The following PEBP4 variants were observed in gnomAD, a reference collection of about 807,000 sequenced individuals.
PEBP4 encodes the protein phosphatidylethanolamine-binding protein 4.
In PEBP4, 22 loss-of-function variants were observed where a neutral mutation model predicts 23.9. The ratio of observed to expected loss-of-function variants is 0.92; its 90% CI spans 0.66 to 1.31. The LOEUF (loss-of-function observed/expected upper bound fraction) is 1.31. Ranked by LOEUF, PEBP4 falls within the 40% of genes most tolerant of loss-of-function variation. PEBP4 has a pLI of 0.00. For missense variants in PEBP4, 324 were observed against 281.7 expected, an observed-to-expected ratio of 1.15 and a Z score of -1.07; for synonymous variants, 112 against 99.3, an observed-to-expected ratio of 1.13 and a Z score of -0.76.
intron 3 of PEBP4, among the ~76,000 whole-genome samples, chr8:22,856,606 G>C (rs1211989420): frequency 6.6e-6 from 1 of 152,150 alleles, no homozygotes; most frequent in Non-Finnish European, 1.5e-5. Flanking sequence ...AATCTCAGCT[G>C]CTGGGGAGGA....
At chr8:22,901,285 G>T (rs190525343) in intron 3 of PEBP4, among the ~76,000 whole-genome samples, 10 of 152,296 alleles carry the variant, frequency 6.6e-5, no homozygotes, top group African/African-American at 2.4e-4. Context: ...ACAGTGACAC[G>T]AAATAGATGA....
At chr8:22,817,517 G>A in intron 4 of PEBP4, 120 bp downstream of exon 4, 1 of 887,120 alleles carries the variant, frequency 1.1e-6, no homozygotes, top group Non-Finnish European at 1.8e-6. Context: ...AGCACTGGGG[G>A]AGATGGGACA....
intron 3 of PEBP4, among the ~76,000 whole-genome samples, chr8:22,898,112 C>G (rs1400495068): frequency 6.6e-6 from 1 of 152,178 alleles, no homozygotes; most frequent in Non-Finnish European, 1.5e-5. Context: ...ACCCAGCCAG[C>G]CAGGCGCAGT....
At chr8:22,796,056 A>G (rs1311228835) in intron 4 of PEBP4, among the ~76,000 whole-genome samples, 1 of 152,226 alleles carries the variant, frequency 6.6e-6, no homozygotes, top group Non-Finnish European at 1.5e-5. Flanking sequence ...CTCCAAGCCC[A>G]AAGTGGCCAG....
At chr8:22,768,775 A>C (rs1310795458) in intron 4 of PEBP4, among the ~76,000 whole-genome samples, 1 of 152,128 alleles carries the variant, frequency 6.6e-6, no homozygotes, top group Non-Finnish European at 1.5e-5. Context: ...GGATGGTGCT[A>C]TCAGGAGGCA....
Position 22,772,493 on chromosome 8 carries a change from C to CTTTTTTTTTTT in PEBP4, c.357+45133_357+45143dup, listed in dbSNP as rs34489811. On this transcript the variant is annotated intron_variant, in intron 4 of 6. Transcript: ENST00000256404. ...GGGCAGGTATTCTCTCTCTCTCTCTCTTTTTTTTTTTTTTTTTTTTGAGAC... is the reference window on the plus strand; with the variant it reads ...GGGCAGGTATTCTCTCTCTCTCTCTCTTTTTTTTTTTTTTTTTTTTTTTTTTTTTTTGAGAC... Among the ~76,000 whole-genome samples, 4 of 121,604 alleles carry CTTTTTTTTTTT rather than the reference C, an allele frequency of 3.3e-5. No individual in the cohort carries two copies. The South Asian group carries it at 9.0e-4, about 27-fold the overall frequency. 79.8% of individuals were successfully genotyped at this position (121,604 alleles called of 152,430 possible).
chr8:22,741,065 GT>G (rs1383914650), intron 4 of PEBP4, among the ~76,000 whole-genome samples: 1 of 152,216 alleles, frequency 6.6e-6, no homozygotes, highest in Non-Finnish European at 1.5e-5. Flanking sequence ...CGAGAGAAGA[GT>G]GGTTCTTCCG....
intron 3 of PEBP4, among the ~76,000 whole-genome samples, chr8:22,867,020 G>C (rs1290400164): frequency 1.3e-5 from 2 of 152,104 alleles, no homozygotes; most frequent in Non-Finnish European, 2.9e-5. Flanking sequence ...AAGTAAATCT[G>C]TGTGATAGGA....
chr8:22,818,148 A>G (rs887568817), intron 3 of PEBP4, among the ~76,000 whole-genome samples: 1 of 152,176 alleles, frequency 6.6e-6, no homozygotes, highest in African/African-American at 2.4e-5. Context: ...TTGTGTCAAG[A>G]ACGGTACCTA....
chr8:22,752,405 C>T (rs552432881), intron 4 of PEBP4, among the ~76,000 whole-genome samples: 3 of 152,366 alleles, frequency 2.0e-5, no homozygotes, highest in Admixed American at 6.5e-5. Flanking sequence ...ACTAAGTCTA[C>T]GGTTGCCTGG....
At chr8:22,804,204 A>T (rs1409850319) in intron 4 of PEBP4, among the ~76,000 whole-genome samples, 1 of 152,134 alleles carries the variant, frequency 6.6e-6, no homozygotes, top group Non-Finnish European at 1.5e-5. Flanking sequence ...GGTGGTATGC[A>T]CCTGTAGTCC....
intron 4 of PEBP4, among the ~76,000 whole-genome samples, chr8:22,732,455 C>T (rs141036002): frequency 2.5e-4 from 38 of 152,182 alleles, no homozygotes; most frequent in African/African-American, 6.0e-4. Context: ...CTAACGCACA[C>T]GGAACTTAAT....
intron 4 of PEBP4, among the ~76,000 whole-genome samples, chr8:22,810,178 G>A (rs1438130486): frequency 1.3e-5 from 2 of 152,146 alleles, no homozygotes; most frequent in African/African-American, 2.4e-5. Context: ...TCGTGTGTCC[G>A]TAGTTGTTCC....
chr8:22,796,407 G>A (rs1349029683), intron 4 of PEBP4, among the ~76,000 whole-genome samples: 3 of 152,166 alleles, frequency 2.0e-5, no homozygotes, highest in Non-Finnish European at 4.4e-5. Flanking sequence ...AACTCAGAAG[G>A]TGTGCTCAGT....
At chr8:22,781,877 G>C (rs183116659) in intron 4 of PEBP4, among the ~76,000 whole-genome samples, 118 of 152,328 alleles carry the variant, frequency 7.7e-4, no homozygotes, top group Non-Finnish European at 1.3e-3. Context: ...TCTTCTGCAG[G>C]TGACAGAGCT....
At chr8:22,875,955 G>A (rs565554269) in intron 3 of PEBP4, among the ~76,000 whole-genome samples, 1 of 152,064 alleles carries the variant, frequency 6.6e-6, no homozygotes, top group South Asian at 2.1e-4. Context: ...TGTCGCCCAG[G>A]CTGAAGTGCA....
At chr8:22,896,712 A>C (rs1585330460) in intron 3 of PEBP4, among the ~76,000 whole-genome samples, 1 of 152,178 alleles carries the variant, frequency 6.6e-6, no homozygotes, top group Non-Finnish European at 1.5e-5. Context: ...CAGAGGTTGC[A>C]AGGTGACAAC....
At chr8:22,792,378 A>G (rs908149453) in intron 4 of PEBP4, among the ~76,000 whole-genome samples, 1 of 152,090 alleles carries the variant, frequency 6.6e-6, no homozygotes, top group African/African-American at 2.4e-5. Flanking sequence ...GGTGCTTCTA[A>G]GGTGGAGATG....
intron 4 of PEBP4, among the ~76,000 whole-genome samples, chr8:22,798,116 G>A (rs114950283): frequency 1.6e-3 from 237 of 152,270 alleles, no homozygotes; most frequent in African/African-American, 5.5e-3. Context: ...CCGAATGAGG[G>A]GGATTTTGAG....
Sources: allele counts gnomAD v4.1 joint callset (sites outside exome capture counted in the v4.1 genomes callset), GRCh38; gene constraint gnomAD v4.1.1; transcripts MANE v1.5; gene names NCBI Gene and HGNC (gene_info 2026-07-23, HGNC 2026-07-21).